INPP5D: variants seen among roughly 807,000 people sequenced by gnomAD.
INPP5D encodes inositol polyphosphate-5-phosphatase D.
INPP5D carries 33 observed loss-of-function variants against 122.9 expected under a neutral mutation model. The ratio of observed to expected loss-of-function variants is 0.27; its 90% CI spans 0.20 to 0.36. The LOEUF (loss-of-function observed/expected upper bound fraction) is 0.36, where lower values mean the gene tolerates loss of function less well. Ranked by LOEUF, INPP5D falls within the 10% of genes least tolerant of loss-of-function variation. INPP5D has a pLI of 1.00. For missense variants in INPP5D, 1,053 were observed against 1,412.7 expected, an observed-to-expected ratio of 0.75 and a Z score of 4.08; for synonymous variants, 584 against 576.2, an observed-to-expected ratio of 1.01 and a Z score of -0.19.
Position 233,164,527 on chromosome 2 carries a change from G to C in INPP5D, c.1555+103G>C. The C allele has an allele frequency of 7.2e-7, 1 of 1,394,004 alleles. No individual in the cohort carries two copies. The highest frequency in any genetic ancestry group is 9.4e-7 in the Non-Finnish European group (1 of 1,059,460). The allele number at this position is 1,394,004 out of a possible 1,614,324, so 86.4% of individuals were successfully genotyped here. On this transcript the variant is annotated intron_variant, in intron 13 of 26. Transcript: ENST00000445964. This position sits in a 1 kb window ranked among gnomAD's most constrained non-coding sequence, Gnocchi z 4.3. ...AGTAGTTCCCCGGGTTAAAAACAGA[G>C]AGCCTCACATCCTCAGATCCTGGCT...
chr2:233,171,338 G>A, intron 17 of INPP5D, 186 bp downstream of exon 17: 1 of 794,614 alleles, frequency 1.3e-6, no homozygotes, highest in Non-Finnish European at 1.9e-6. Context: ...ACTGCTTTGA[G>A]CTGGGAAAAT....
In INPP5D at chr2:233,204,674, C is replaced by T. The variant is rs567178967; in HGVS notation, c.3524C>T (p.Pro1175Leu). Residue 1175 changes from proline (P) to leucine (L), a missense_variant, in exon 26 of 27, where the codon CCG becomes CTG. This residue lies in a region of INPP5D where 417 missense variants were observed against 425.8 expected (regional missense o/e 0.98). Coordinates refer to ENST00000445964, the MANE Select transcript of INPP5D (RefSeq NM_001017915.3). ...CTCCCGCATCACGGCAAGCACCGGC[C>T]GGAGGAGGGGCCACCAGGGCCTCTA... ...TELPHHGKHR[P>L]EEGPPGPLGR... 1 of 1,569,958 alleles carries T rather than the reference C, an allele frequency of 6.4e-7. No individual in the cohort carries two copies. The highest frequency in any genetic ancestry group is 1.8e-5 in the Admixed American group (1 of 55,518).
chr2:233,118,112 C>A (rs904578846), intron 2 of INPP5D, among the ~76,000 whole-genome samples: 1 of 152,142 alleles, frequency 6.6e-6, no homozygotes, highest in African/African-American at 2.4e-5. Context: ...CCCAGCAGGA[C>A]CCACCTACTC....
rs1263363283 is a variant in INPP5D, at chr2:233,069,314, T to C, written c.134+8702T>C. Among the ~76,000 whole-genome samples, 11 of 152,098 alleles carry C rather than the reference T, an allele frequency of 7.2e-5. No homozygotes were observed. In the East Asian group the frequency reaches 2.1e-3, roughly 29 times the overall value. Reference sequence around the variant, plus strand: ...CTGTCAGTGGCAATGGAGAAACAAATAGATCTGATAAACAGCAATGTCCTG... The same window carrying C: ...CTGTCAGTGGCAATGGAGAAACAAACAGATCTGATAAACAGCAATGTCCTG... On this transcript the variant is annotated intron_variant, in intron 1 of 26. Transcript: ENST00000445964.
Position 233,187,022 on chromosome 2 carries a change from AT to A in INPP5D, c.2358+1106del, listed in dbSNP as rs977948767. ...TGAGCCACCGCATCCAGCCTAAAACATTTTTTTTTAAATTAGCCAGACATGA... is the reference window on the plus strand; with the variant it reads ...TGAGCCACCGCATCCAGCCTAAAACATTTTTTTTAAATTAGCCAGACATGA... On this transcript the variant is annotated intron_variant, in intron 21 of 26. Transcript: ENST00000445964. 5.3e-5 allele frequency among the ~76,000 whole-genome samples: 8 copies of A among 150,216 alleles called. No individual in the cohort carries two copies. In the East Asian group the frequency reaches 1.2e-3, roughly 22 times the overall value.
At position 233,160,024 on chromosome 2, in the gene INPP5D, G is replaced by A. The variant is rs1376197409; in HGVS notation, c.1137+1605G>A. Among the ~76,000 whole-genome samples, 1 of 152,162 alleles carries A rather than the reference G, an allele frequency of 6.6e-6. No homozygotes were observed. The highest frequency in any genetic ancestry group is 1.5e-5 in the Non-Finnish European group (1 of 68,032). ...GCTGGAATGCTTTCTGAGCACCTGG[G>A]CATAGGTTCAAACACCAGCTCTGCC... is the stretch of plus-strand genomic sequence containing the variant. On this transcript the variant is annotated intron_variant, in intron 10 of 26. Coordinates refer to ENST00000445964, the MANE Select transcript of INPP5D (RefSeq NM_001017915.3). The surrounding 1 kb of genome is among the most constrained non-coding windows in gnomAD (Gnocchi z 4.2).
intron 4 of INPP5D, 71 bp downstream of exon 4, chr2:233,125,990 T>C: frequency 6.8e-7 from 1 of 1,466,666 alleles, no homozygotes; most frequent in Non-Finnish European, 9.2e-7. Flanking sequence ...CTGGATGGCT[T>C]GGGTTTCGAT....
At chr2:233,136,477 T>TTAAAAA (rs1693467945) in intron 5 of INPP5D, among the ~76,000 whole-genome samples, 1 of 145,148 alleles carries the variant, frequency 6.9e-6, no homozygotes. Context: ...AGACCGCGTT[T>TTAAAAA]AAAAAAAAAA....
rs188435325 is a variant in INPP5D, at chr2:233,181,443, C to T, written c.2072-967C>T. Reference sequence around the variant, plus strand: ...TCCATCCTCGTCTCTTCTCATCCTTCGTGTGAAAGCCCAGACATGCTCAGG... The same window carrying T: ...TCCATCCTCGTCTCTTCTCATCCTTTGTGTGAAAGCCCAGACATGCTCAGG... On this transcript the variant is annotated intron_variant, in intron 18 of 26. Coordinates refer to ENST00000445964, the MANE Select transcript of INPP5D (RefSeq NM_001017915.3). Among the ~76,000 whole-genome samples, 705 of 152,268 alleles carry T rather than the reference C, an allele frequency of 4.6e-3. 2 individuals carry two copies. Among genetic ancestry groups the T allele is most frequent in the Admixed American group, 6.9e-3 (105 of 15,294 alleles).
chr2:233,185,971 T>G, intron 21 of INPP5D, 46 bp downstream of exon 21: 2 of 1,534,482 alleles, frequency 1.3e-6, no homozygotes, highest in Non-Finnish European at 1.8e-6. Context: ...TTGCATTTAC[T>G]AGGCCAGTAG....
At chr2:233,070,788 G>A (rs1268231227) in intron 1 of INPP5D, among the ~76,000 whole-genome samples, 1 of 152,114 alleles carries the variant, frequency 6.6e-6, no homozygotes, top group Non-Finnish European at 1.5e-5. Context: ...TTCCCCTTTC[G>A]AAAACCAGTG....
chr2:233,198,407 T>C (rs1253252642), intron 25 of INPP5D, 31 bp downstream of exon 25: 1 of 1,585,422 alleles, frequency 6.3e-7, no homozygotes, highest in Non-Finnish European at 8.6e-7. Context: ...GACGGCTCCC[T>C]CCCTCCTTAT....
Position 233,188,522 on chromosome 2 carries a change from C to T in INPP5D, c.2359-1328C>T, listed in dbSNP as rs1179992425. Among the ~76,000 whole-genome samples the T allele has an allele frequency of 4.6e-5, 7 of 152,278 alleles. No individual in the cohort carries two copies. Among genetic ancestry groups the T allele is most frequent in the Non-Finnish European group, 1.5e-5 (1 of 68,032 alleles). ...GTGATAATTGGTGCAGCTGTAGAAC[C>T]CTGGAGTACCCAGAGCTCCACTGCA... On this transcript the variant is annotated intron_variant, in intron 21 of 26. Transcript: ENST00000445964. The surrounding 1 kb of genome is among the most constrained non-coding windows in gnomAD (Gnocchi z 4.7).
chr2:233,085,810 A>G (rs1691814293), intron 2 of INPP5D, among the ~76,000 whole-genome samples: 1 of 152,130 alleles, frequency 6.6e-6, no homozygotes, highest in Non-Finnish European at 1.5e-5. Flanking sequence ...TGGAAAGAGT[A>G]TCCATGCCAT....
intron 2 of INPP5D, among the ~76,000 whole-genome samples, chr2:233,101,756 A>C (rs9749807): frequency 1.4e-5 from 2 of 146,282 alleles, no homozygotes; most frequent in African/African-American, 2.5e-5. Flanking sequence ...ATTATAAATT[A>C]TATTTATTTA....
chr2:233,065,304 T>TG (rs1400395055), intron 1 of INPP5D, among the ~76,000 whole-genome samples: 2 of 116,258 alleles, frequency 1.7e-5, no homozygotes, highest in South Asian at 2.9e-4. Context: ...CAGCACTTCT[T>TG]GGGTTTTTTT....
intron 2 of INPP5D, among the ~76,000 whole-genome samples, chr2:233,093,289 A>G (rs931912004): frequency 5.9e-5 from 9 of 152,242 alleles, no homozygotes; most frequent in African/African-American, 2.2e-4. Flanking sequence ...CATGGAAATA[A>G]GCCTTCCTTC....
intron 23 of INPP5D, among the ~76,000 whole-genome samples, chr2:233,194,384 C>T (rs1228548792): frequency 6.6e-6 from 1 of 152,074 alleles, no homozygotes; most frequent in African/African-American, 2.4e-5. Context: ...CTCTGCTTGC[C>T]CACACGGCCA....
intron 17 of INPP5D, among the ~76,000 whole-genome samples, chr2:233,174,490 A>G (rs1327157510): frequency 6.6e-6 from 1 of 152,328 alleles, no homozygotes; most frequent in East Asian, 1.9e-4. Context: ...GAGAACTGCA[A>G]TGTTAAGAAG....
Sources: allele counts gnomAD v4.1 joint callset (sites outside exome capture counted in the v4.1 genomes callset), GRCh38; gene constraint gnomAD v4.1.1; regional missense constraint gnomAD v4.1.1; non-coding constraint Gnocchi (gnomAD v3.1); transcripts MANE v1.5; gene names NCBI Gene and HGNC (gene_info 2026-07-23, HGNC 2026-07-21).